ABCB1: variants seen among roughly 807,000 people sequenced by gnomAD.
ABCB1 encodes ATP-dependent translocase ABCB1.
ABCB1 carries 69 observed loss-of-function variants against 142.0 expected under a neutral mutation model. The observed-to-expected ratio is 0.49, with a 90% confidence interval of 0.40 to 0.59. The LOEUF (loss-of-function observed/expected upper bound fraction) is 0.59, where lower values mean the gene tolerates loss of function less well. Among genes scored for constraint, ABCB1 ranks in the 20% least tolerant of loss-of-function variants. The pLI is 0.00. For missense variants in ABCB1, 1,326 were observed against 1,554.7 expected (o/e 0.85, Z 2.47); for synonymous variants, 532 against 539.2 (o/e 0.99, Z 0.18).
intron 24 of ABCB1, among the ~76,000 whole-genome samples, chr7:87,516,115 A>T (rs935464381): frequency 6.6e-6 from 1 of 152,104 alleles, no homozygotes; most frequent in African/African-American, 2.4e-5. Flanking sequence ...GCATGATGGC[A>T]CACGCTTGTA....
At chr7:87,512,230 T>C (rs940637079) in intron 25 of ABCB1, among the ~76,000 whole-genome samples, 2 of 151,896 alleles carry the variant, frequency 1.3e-5, no homozygotes, top group African/African-American at 4.8e-5. Context: ...TACAATTGTA[T>C]AACCTTCAGG....
chr7:87,604,738 T>C (rs41296630), upstream of ABCB1, among the ~76,000 whole-genome samples: 119 of 152,244 alleles, frequency 7.8e-4, 2 homozygotes, highest in African/African-American at 2.7e-3. Flanking sequence ...GGTGATCAGA[T>C]GATGATAAAT....
At chr7:87,551,446 G>A (rs554738708) in intron 9 of ABCB1, among the ~76,000 whole-genome samples, 2 of 152,118 alleles carry the variant, frequency 1.3e-5, no homozygotes, top group African/African-American at 2.4e-5. Flanking sequence ...ATTGTATTCC[G>A]TAAGTGTAAT....
At chr7:87,598,739 G>A (rs1047382943) in intron 2 of ABCB1, among the ~76,000 whole-genome samples, 21 of 152,094 alleles carry the variant, frequency 1.4e-4, no homozygotes, top group Admixed American at 2.6e-4. Context: ...TTACAGTTAC[G>A]ATGTTCTTTG....
intron 1 of ABCB1, among the ~76,000 whole-genome samples, chr7:87,616,704 A>C (rs981306208): frequency 3.3e-5 from 5 of 152,172 alleles, no homozygotes; most frequent in Admixed American, 3.3e-4. Context: ...TTATTATCCC[A>C]ACCTTAGAGA....
chr7:87,665,783 C>T (rs949365576), intron 1 of ABCB1, among the ~76,000 whole-genome samples: 17 of 152,076 alleles, frequency 1.1e-4, no homozygotes, highest in South Asian at 6.2e-4. Flanking sequence ...CAAGTGATAA[C>T]GTGTGATATT....
chr7:87,522,720 T>A (rs963417624), intron 21 of ABCB1, among the ~76,000 whole-genome samples: 6 of 152,160 alleles, frequency 3.9e-5, no homozygotes, highest in Admixed American at 1.3e-4. Context: ...AATGTAATAG[T>A]CTGATCATAA....
At chr7:87,651,080 C>T (rs1273543943) in intron 1 of ABCB1, 14 of 579,342 alleles carry the variant, frequency 2.4e-5, no homozygotes, top group East Asian at 5.9e-5. Flanking sequence ...TGTGTGACTA[C>T]GAAAGAGCCT....
At chr7:87,585,324 G>A (rs1294900887) in intron 4 of ABCB1, among the ~76,000 whole-genome samples, 188 bp downstream of exon 4, 1 of 152,148 alleles carries the variant, frequency 6.6e-6, no homozygotes, top group African/African-American at 2.4e-5. Flanking sequence ...CACTTCAGTT[G>A]TGTGTTGTAA....
intron 23 of ABCB1, among the ~76,000 whole-genome samples, chr7:87,517,926 A>G (rs1815323848): frequency 6.6e-6 from 1 of 152,184 alleles, no homozygotes; most frequent in Admixed American, 6.5e-5. Context: ...TCTTTTTCAA[A>G]CTGAAGAAAA....
Position 87,566,108 on chromosome 7 carries a change from T to C in ABCB1, c.664A>G (p.Ser222Gly), listed in dbSNP as rs138302009. Residue 222 changes from serine to glycine, a missense_variant, in exon 7 of 28, where the codon AGT becomes GGT. By Grantham distance (56) the Ser-to-Gly change is moderately conservative. Transcript: ENST00000622132. ...GCAGCTGACAGTCCAAGAACAGGAC[T>C]GATGGCCAAAATCACAAGGGTTAGC... The part of the protein sequence containing the change: ...WKLTLVILAI[S>G]PVLGLSAAVW... 9 of 1,614,082 alleles carry C rather than the reference T, an allele frequency of 5.6e-6. No individual in the cohort carries two copies. The highest frequency in any genetic ancestry group is 7.6e-6 in the Non-Finnish European group (9 of 1,180,038).
rs1816969460 is a variant in ABCB1 at position 87,549,863 on chromosome 7, C to T, written c.1542G>A (p.Met514Ile). 1 of 1,614,192 alleles carries T rather than the reference C, an allele frequency of 6.2e-7. No individual in the cohort carries two copies. ...VKEANAYDFI[M>I]KLPHKFDTLV... ...AAGGACAACTTACATGAGGCAGTTT[C>T]ATGATAAAGTCATAGGCATTGGCTT... Residue 514 changes from methionine (M) to isoleucine (I), a missense_variant, in exon 13 of 28, where the codon ATG becomes ATA. Physicochemically the swap from Met to Ile is conservative, Grantham distance 10. Transcript: ENST00000622132.
chr7:87,613,609 C>G (rs148330506), intron 1 of ABCB1, among the ~76,000 whole-genome samples: 3 of 152,128 alleles, frequency 2.0e-5, no homozygotes, highest in Non-Finnish European at 4.4e-5. Flanking sequence ...AAACAGAAAA[C>G]TAAGTACCAC....
At chr7:87,525,509 T>C (rs113310440) in intron 21 of ABCB1, among the ~76,000 whole-genome samples, 15 of 152,136 alleles carry the variant, frequency 9.9e-5, no homozygotes, top group African/African-American at 2.7e-4. Flanking sequence ...ACCAATAACA[T>C]AAACAGTCAA....
chr7:87,649,888 T>C (rs1823403978), intron 1 of ABCB1, among the ~76,000 whole-genome samples: 1 of 152,184 alleles, frequency 6.6e-6, no homozygotes, highest in Non-Finnish European at 1.5e-5. Context: ...ACACATGCTC[T>C]CTTGCGTGCT....
At chr7:87,582,846 T>C (rs977086641) in intron 4 of ABCB1, among the ~76,000 whole-genome samples, 2 of 152,162 alleles carry the variant, frequency 1.3e-5, no homozygotes, top group African/African-American at 4.8e-5. Flanking sequence ...AAATGTAAAA[T>C]CCATTCTTAG....
chr7:87,631,547 C>A (rs28381765), intron 1 of ABCB1, among the ~76,000 whole-genome samples: 3 of 152,184 alleles, frequency 2.0e-5, no homozygotes, highest in Non-Finnish European at 4.4e-5. Flanking sequence ...CCCGCCACCA[C>A]GCCCGGCTAA....
chr7:87,640,473 A>G (rs995633068), intron 1 of ABCB1, among the ~76,000 whole-genome samples: 1 of 151,920 alleles, frequency 6.6e-6, no homozygotes, highest in African/African-American at 2.4e-5. Flanking sequence ...CCTCCTGAGT[A>G]GCTAGGACTG....
At chr7:87,668,865 T>A (rs1352730836) in intron 1 of ABCB1, among the ~76,000 whole-genome samples, 2 of 152,208 alleles carry the variant, frequency 1.3e-5, no homozygotes. Flanking sequence ...TTCAGTTCTT[T>A]TACATTTGTT....
Sources: gnomAD v4.1 joint callset for allele counts (sites outside exome capture counted in the v4.1 genomes callset) on GRCh38, gnomAD v4.1.1 for gene constraint, MANE v1.5 for transcripts, NCBI Gene and HGNC (gene_info 2026-07-23, HGNC 2026-07-21) for gene names.